The following MYOCD variants were observed in gnomAD, a reference collection of about 807,000 sequenced individuals.
MYOCD encodes myocardin.
MYOCD carries 32 observed loss-of-function variants against 96.1 expected under a neutral mutation model. The observed-to-expected ratio is 0.33, with a 90% CI of 0.25 to 0.45. The LOEUF (loss-of-function observed/expected upper bound fraction) is 0.45, where lower values mean the gene tolerates loss of function less well. Ranked by LOEUF, MYOCD falls within the 20% of genes least tolerant of loss-of-function variation. The probability of loss-of-function intolerance (pLI) is 1.00; values close to 1 mark genes in which losing one functional copy is unlikely to be tolerated. For synonymous variants in MYOCD, 469 were observed against 469.0 expected, an observed-to-expected ratio of 1.00 and a Z score of 0.00; for missense variants, 1,133 against 1,200.6, an observed-to-expected ratio of 0.94 and a Z score of 0.83.
intron 2 of MYOCD, among the ~76,000 whole-genome samples, chr17:12,713,773 C>A (rs997921355): frequency 2.6e-5 from 4 of 152,080 alleles, no homozygotes; most frequent in African/African-American, 9.7e-5. Flanking sequence ...CAGGAAAAGG[C>A]AAGCCTTATT....
Position 12,715,526 on chromosome 17 carries a change from A to G in MYOCD, c.129A>G (p.Lys43=). 1 of 1,613,510 alleles carries G rather than the reference A, an allele frequency of 6.2e-7. No individual in the cohort carries two copies. The highest frequency in any genetic ancestry group is 8.5e-7 in the Non-Finnish European group (1 of 1,179,698). ...LANQGIIPPL[K]RPAEFHEQRK... is the part of the protein sequence containing the mutation. ...TTTGTGTTTCTGTTTCAGCACTGAA[A>G]CGTCCAGCTGAATTCCATGAGCAAA... Residue 43 remains lysine (K), a synonymous_variant, in exon 3 of 14, where the codon AAA becomes AAG. Transcript: ENST00000425538.
Position 12,741,578 on chromosome 17 carries a change from G to A in MYOCD, c.717+2250G>A, listed in dbSNP as rs558540182. 9.2e-5 allele frequency among the ~76,000 whole-genome samples: 14 copies of A among 151,964 alleles called. No individual in the cohort carries two copies. The South Asian group carries it at 1.2e-3, about 14-fold the overall frequency. ...ACAAAAATTAGCCGGACGTGGTGGC[G>A]TGTGCCTGTAATCCCAGCTACTCAG... On this transcript the variant is annotated intron_variant, in intron 7 of 13. Coordinates refer to ENST00000425538, the MANE Select transcript of MYOCD (RefSeq NM_001146312.3).
At chr17:12,689,170 G>A (rs1029389880) in intron 1 of MYOCD, among the ~76,000 whole-genome samples, 10 of 151,908 alleles carry the variant, frequency 6.6e-5, no homozygotes, top group African/African-American at 2.4e-4. Context: ...CTCACACTCC[G>A]ATTTAATCAG....
At chr17:12,731,363 A>G (rs1363639592) in intron 5 of MYOCD, among the ~76,000 whole-genome samples, 2 of 152,148 alleles carry the variant, frequency 1.3e-5, no homozygotes, top group East Asian at 1.9e-4. Context: ...TTGCTTTCCC[A>G]GAAGGAACCT....
In MYOCD at chr17:12,732,852, C is replaced by T. The variant is rs139442536; in HGVS notation, c.416-3309C>T. ...CTTCAGGGCTGCAACAATCTTTCCACCCCTTTACTGAGGCAAGTCCGAATT... is the reference window on the plus strand; with the variant it reads ...CTTCAGGGCTGCAACAATCTTTCCATCCCTTTACTGAGGCAAGTCCGAATT... On this transcript the variant is annotated intron_variant, in intron 5 of 13. Coordinates refer to ENST00000425538, the MANE Select transcript of MYOCD (RefSeq NM_001146312.3). Among the ~76,000 whole-genome samples the T allele has an allele frequency of 1.1e-3, 160 of 152,314 alleles. 1 individual carries two copies. Among genetic ancestry groups the T allele is most frequent in the Non-Finnish European group, 2.0e-3 (133 of 68,034 alleles).
intron 1 of MYOCD, among the ~76,000 whole-genome samples, chr17:12,699,604 G>A (rs781438448): frequency 1.3e-5 from 2 of 152,098 alleles, no homozygotes; most frequent in African/African-American, 4.8e-5. Context: ...CAAAAATTCA[G>A]GTTGTCTAAA....
chr17:12,748,137 G>A (rs1437439050), intron 9 of MYOCD, among the ~76,000 whole-genome samples: 2 of 124,624 alleles, frequency 1.6e-5, no homozygotes, highest in African/African-American at 5.9e-5. Flanking sequence ...ACTCTAGCCT[G>A]ATGACAGAGC....
At chr17:12,740,584 C>T (rs748393821) in intron 7 of MYOCD, among the ~76,000 whole-genome samples, 5 of 152,108 alleles carry the variant, frequency 3.3e-5, no homozygotes, top group Admixed American at 6.6e-5. Flanking sequence ...ATGGGCACTT[C>T]GGTTGGGTCC....
rs750768295 is a variant in MYOCD at position 12,722,933 on chromosome 17, C to G, written c.340C>G (p.Leu114Val). The G allele has an allele frequency of 3.7e-6, 6 of 1,614,094 alleles. No individual in the cohort carries two copies. The highest frequency in any genetic ancestry group is 4.5e-5 in the East Asian group (2 of 44,876). ...CGATGATCTCAATGAAAAAATTGCT[C>G]TACGACCAGGGCCACTGGAGCTGGT... ...LADDLNEKIA[L>V]RPGPLELVEK... The change falls in exon 5 of 14, where the codon CTA becomes GTA. Residue 114 changes from leucine to valine, a missense_variant. By Grantham distance (32) the Leu-to-Val change is conservative (BLOSUM62 1). Transcript: ENST00000425538.
chr17:12,705,515 A>G, intron 2 of MYOCD: 1 of 204,532 alleles, frequency 4.9e-6, no homozygotes, highest in Non-Finnish European at 9.7e-6. Flanking sequence ...TCTTTCCAGA[A>G]GCATCAATTA....
chr17:12,743,597 A>G (rs1265262556), intron 7 of MYOCD, among the ~76,000 whole-genome samples: 1 of 149,906 alleles, frequency 6.7e-6, no homozygotes, highest in Non-Finnish European at 1.5e-5. Context: ...GGTTCAAGCA[A>G]TTCTCCTGCC....
At chr17:12,687,354 T>A (rs1597735991) in intron 1 of MYOCD, among the ~76,000 whole-genome samples, 1 of 152,240 alleles carries the variant, frequency 6.6e-6, no homozygotes, top group East Asian at 1.9e-4. Flanking sequence ...GACATGTGGG[T>A]TTACTCAGTA....
intron 2 of MYOCD, among the ~76,000 whole-genome samples, chr17:12,706,785 TC>T (rs1262469880): frequency 6.6e-6 from 1 of 152,112 alleles, no homozygotes; most frequent in Non-Finnish European, 1.5e-5. Flanking sequence ...AATATTTTGT[TC>T]CCCAGGAATT....
At chr17:12,758,767 G>C (rs751881008) in intron 12 of MYOCD, among the ~76,000 whole-genome samples, 1 of 152,188 alleles carries the variant, frequency 6.6e-6, no homozygotes, top group Non-Finnish European at 1.5e-5. Flanking sequence ...GAAAAAACAA[G>C]GCTGGGTCTG....
chr17:12,705,388 T>G, intron 2 of MYOCD, 195 bp downstream of exon 2: 2 of 494,620 alleles, frequency 4.0e-6, no homozygotes, highest in East Asian at 3.3e-5. Context: ...AGGGGCTCCT[T>G]TTAATGATAC....
rs2033062842 is a variant in MYOCD at position 12,758,102 on chromosome 17, T to C, written c.2220T>C (p.Ser740=). ...CCATGCAGATGGCTGGTTTACACTC[T>C]TCTGATAAGGTGGGGCCAAAGTTTT... ...CVQQKMAGLH[S]SDKVGPKFSI... is the part of the protein sequence containing the mutation. The change falls in exon 12 of 14, where the codon TCT becomes TCC. Residue 740 remains serine, a synonymous_variant. Coordinates refer to ENST00000425538, the MANE Select transcript of MYOCD (RefSeq NM_001146312.3). 1.2e-6 allele frequency: 2 copies of C among 1,613,870 alleles called. No homozygotes were observed. The highest frequency in any genetic ancestry group is 1.1e-5 in the South Asian group (1 of 91,096).
chr17:12,685,818 G>A (rs2030089120), intron 1 of MYOCD, among the ~76,000 whole-genome samples: 2 of 152,068 alleles, frequency 1.3e-5, no homozygotes, highest in Non-Finnish European at 2.9e-5. Flanking sequence ...AAATTGCTTT[G>A]TATAATTCCT....
chr17:12,752,746 G>A lies in MYOCD; in HGVS notation c.1458G>A (p.Pro486=), dbSNP rs781734613. The change falls in exon 10 of 14, where the codon CCG becomes CCA. Residue 486 remains proline (P), a synonymous_variant. Transcript: ENST00000425538. The part of the protein sequence containing the change: ...NDASPSFGLH[P]SPVHVCTEES... ...CCTCCCCCTCCTTCGGCCTGCACCCGTCCCCAGTCCACGTGTGCACGGAGG... is the reference window on the plus strand; with the variant it reads ...CCTCCCCCTCCTTCGGCCTGCACCCATCCCCAGTCCACGTGTGCACGGAGG... 76 of 1,613,926 alleles carry A rather than the reference G, an allele frequency of 4.7e-5. No homozygotes were observed. In the Middle Eastern group the frequency reaches 4.9e-4, roughly 10 times the overall value.
chr17:12,735,917 A>T (rs528984358), intron 5 of MYOCD, among the ~76,000 whole-genome samples: 1 of 152,336 alleles, frequency 6.6e-6, no homozygotes, highest in South Asian at 2.1e-4. Context: ...GAAATGCAGA[A>T]ACGTGAAAAT....
Sources: allele counts gnomAD v4.1 joint callset (sites outside exome capture counted in the v4.1 genomes callset), GRCh38; gene constraint gnomAD v4.1.1; transcripts MANE v1.5; gene names NCBI Gene and HGNC (gene_info 2026-07-23, HGNC 2026-07-21).